The following ASAH1 variants were observed in gnomAD, a reference collection of about 807,000 sequenced individuals.
ASAH1 encodes N-acylsphingosine amidohydrolase 1.
ASAH1 carries 70 observed loss-of-function variants against 59.5 expected under a neutral mutation model. That is an observed-to-expected ratio of 1.18 (90% confidence interval 0.97 to 1.43). The LOEUF is 1.43. Among genes scored for constraint, ASAH1 ranks in the 40% most tolerant of loss-of-function variants. ASAH1 has a pLI of 0.00. For synonymous variants in ASAH1, 213 were observed against 166.5 expected (o/e 1.28, Z -2.15); for missense variants, 660 against 482.5 (o/e 1.37, Z -3.45).
rs35573135 is a variant in ASAH1, at chr8:18,073,608, C to T, written c.125+1933G>A. ...TCAGGGGTGATCTGGCTATCAGTTC[C>T]TTTATCTTCAGCATTGATTTGACTA... On this transcript the variant is annotated intron_variant, in intron 2 of 13. Transcript: ENST00000637790. Among the ~76,000 whole-genome samples the T allele has an allele frequency of 0.36, 55,004 of 152,084 alleles. 11,088 individuals carry two copies. Among genetic ancestry groups the T allele is most frequent in the South Asian group, 0.46 (2,202 of 4,814 alleles).
intron 1 of ASAH1, among the ~76,000 whole-genome samples, chr8:18,078,884 T>C (rs1800524716): frequency 6.6e-6 from 1 of 151,876 alleles, no homozygotes; most frequent in Admixed American, 6.6e-5. Flanking sequence ...GTACCTCTCT[T>C]TCTCTCTCTC....
rs913948326 is a variant in ASAH1, at chr8:18,058,894, A to G, written c.1042-3T>C. 19 of 1,610,288 alleles carry G rather than the reference A, an allele frequency of 1.2e-5. No individual in the cohort carries two copies. The African/African-American group carries it at 2.0e-4, about 17-fold the overall frequency. On this transcript the variant is annotated splice_region_variant and splice_polypyrimidine_tract_variant and intron_variant, in intron 12 of 13. Coordinates refer to ENST00000637790, the MANE Select transcript of ASAH1 (RefSeq NM_177924.5). ...TACATGGTTTCAAATGAGATATTCT[A>G]AAACACAAGAAAATAGTTTTGTTCA...
In ASAH1 at chr8:18,064,645, G is replaced by A. The variant is rs1234372; in HGVS notation, c.383-114C>T. On this transcript the variant is annotated intron_variant, in intron 5 of 13. Transcript: ENST00000637790. ...TGTGTGAGTGTGTGCTTTGGCCAGT[G>A]GGGCTGTGCTGGAACGGCCGGCTGG... 0.059 allele frequency: 41,564 copies of A among 701,560 alleles called. 1,690 individuals are homozygous for A. Among genetic ancestry groups the A allele is most frequent in the Admixed American group, 0.13 (5,787 of 45,810 alleles). 43.5% of individuals were successfully genotyped at this position (701,560 alleles called of 1,614,324 possible).
intron 13 of ASAH1, 166 bp downstream of exon 13, chr8:18,058,669 T>C: frequency 1.6e-6 from 1 of 641,858 alleles, no homozygotes; most frequent in African/African-American, 1.8e-5. Context: ...CTTTCTTGTA[T>C]TCCAAAATAC....
chr8:18,079,863 C>G (rs1022226004), intron 1 of ASAH1, among the ~76,000 whole-genome samples: 1 of 152,222 alleles, frequency 6.6e-6, no homozygotes, highest in Admixed American at 6.5e-5. Context: ...TACAAGAATT[C>G]ACATGAGCTT....
intron 1 of ASAH1, among the ~76,000 whole-genome samples, chr8:18,078,352 G>A (rs1173191521): frequency 6.6e-6 from 1 of 152,208 alleles, no homozygotes; most frequent in East Asian, 1.9e-4. Flanking sequence ...AACAATACAT[G>A]TGGAGTGAGT....
At chr8:18,072,471 T>C (rs1208332839) in intron 2 of ASAH1, among the ~76,000 whole-genome samples, 5 of 152,060 alleles carry the variant, frequency 3.3e-5, no homozygotes, top group Non-Finnish European at 7.4e-5. Flanking sequence ...TTTATGAAAC[T>C]GTTAACTAGC....
chr8:18,072,194 T>C (rs138065631), intron 2 of ASAH1, among the ~76,000 whole-genome samples: 10 of 152,350 alleles, frequency 6.6e-5, no homozygotes, highest in East Asian at 1.9e-4. Context: ...TGCCAGTTAG[T>C]GGTTTATCAG....
chr8:18,080,962 C>T (rs1425711153), intron 1 of ASAH1, among the ~76,000 whole-genome samples: 1 of 152,186 alleles, frequency 6.6e-6, no homozygotes, highest in Non-Finnish European at 1.5e-5. Flanking sequence ...TATCCTATTT[C>T]TAGGTAAGTT....
In ASAH1 at chr8:18,057,744, C is replaced by CTG. The variant is rs3837207; in HGVS notation, c.1099-122_1099-121insCA. ...AGTTATTTAATATTAAATAATATAACTTAATATATGCAAAGCATGTTATAT... is the reference window on the plus strand; with the variant it reads ...AGTTATTTAATATTAAATAATATAACTGTTAATATATGCAAAGCATGTTATAT... On this transcript the variant is annotated intron_variant, in intron 13 of 13. Transcript: ENST00000637790. 0.13 allele frequency: 60,038 copies of CTG among 479,792 alleles called. 9,178 individuals carry two copies. The highest frequency in any genetic ancestry group is 0.54 in the African/African-American group (26,911 of 49,714). 29.7% of individuals were successfully genotyped at this position (479,792 alleles called of 1,614,324 possible). A position where few individuals can be genotyped will look rare whatever the true frequency, so the allele number is the denominator to read the frequency against.
intron 5 of ASAH1, chr8:18,064,833 G>A: frequency 3.2e-6 from 1 of 314,232 alleles, no homozygotes; most frequent in Non-Finnish European, 5.9e-6. Flanking sequence ...TTTCTTTTGG[G>A]AGCGTAAATA....
chr8:18,078,371 G>A (rs1204817167), intron 1 of ASAH1, among the ~76,000 whole-genome samples: 1 of 152,158 alleles, frequency 6.6e-6, no homozygotes, highest in African/African-American at 2.4e-5. Context: ...GTCTGAGGTT[G>A]ATAACGACTC....
intron 8 of ASAH1, chr8:18,061,954 T>A (rs1799720745): frequency 1.6e-6 from 1 of 636,876 alleles, no homozygotes; most frequent in African/African-American, 1.8e-5. Context: ...GGCAACGCTT[T>A]TTGGACAGGA....
At chr8:18,062,598 G>C in intron 7 of ASAH1, 175 bp from the exon 8 acceptor site, 1 of 723,008 alleles carries the variant, frequency 1.4e-6, no homozygotes. Context: ...ATAAAATTGA[G>C]GTTCAGAGAA....
chr8:18,061,868 A>G, intron 8 of ASAH1, 128 bp from the exon 9 acceptor site: 1 of 897,366 alleles, frequency 1.1e-6, no homozygotes, highest in Non-Finnish European at 1.8e-6. Context: ...AAATAAATCA[A>G]AACCATAAAA....
intron 1 of ASAH1, among the ~76,000 whole-genome samples, chr8:18,082,102 T>A (rs561438865): frequency 2.6e-5 from 4 of 152,354 alleles, no homozygotes; most frequent in African/African-American, 9.6e-5. Context: ...ATAATTTTAG[T>A]TTTGCATTCT....
Position 18,075,570 on chromosome 8 carries a change from T to G in ASAH1, c.96A>C (p.Arg32Ser), listed in dbSNP as rs1564550329. Residue 32 changes from arginine to serine, a missense_variant, in exon 2 of 14, where the codon AGA (arginine) becomes AGC (serine). Arg to Ser is a moderately radical substitution (Grantham distance 110). Transcript: ENST00000637790. ...GTCCTGAAGGAGGATAGGTTGATTT[T>G]CTGCAGTCCTCTGTCCACTGAAAAG... Reference protein sequence around the residue: ...QHAPPWTEDCRKSTYPPSGPT... With the variant: ...QHAPPWTEDCSKSTYPPSGPT... The G allele has an allele frequency of 1.2e-6, 2 of 1,614,082 alleles. No individual in the cohort carries two copies. The highest frequency in any genetic ancestry group is 1.7e-5 in the Admixed American group (1 of 60,010).
intron 1 of ASAH1, among the ~76,000 whole-genome samples, chr8:18,077,226 A>T (rs536596089): frequency 6.6e-6 from 1 of 152,268 alleles, no homozygotes; most frequent in Non-Finnish European, 1.5e-5. Flanking sequence ...TGCCGGTTCA[A>T]TAACACATGT....
intron 7 of ASAH1, chr8:18,062,744 TGTCTC>T: frequency 2.4e-6 from 1 of 412,120 alleles, no homozygotes. Context: ...ATGTCCCTCT[TGTCTC>T]AGCACTCAAG....
Sources: allele counts gnomAD v4.1 joint callset (sites outside exome capture counted in the v4.1 genomes callset), GRCh38; gene constraint gnomAD v4.1.1; transcripts MANE v1.5; gene names NCBI Gene and HGNC (gene_info 2026-07-23, HGNC 2026-07-21).